The following SWT1 variants were observed in gnomAD, a reference collection of about 807,000 sequenced individuals.
SWT1 encodes the protein SWT1 RNA endoribonuclease homolog.
A neutral mutation model predicts 107.3 loss-of-function variants in SWT1; 33 were observed. That is an observed-to-expected ratio of 0.31 (90% CI 0.23 to 0.41). The LOEUF (loss-of-function observed/expected upper bound fraction) is 0.41, where lower values mean the gene tolerates loss of function less well. Among genes scored for constraint, SWT1 ranks in the 10% least tolerant of loss-of-function variants. SWT1 has a pLI of 1.00. For missense variants in SWT1, 898 were observed against 1,028.9 expected, an observed-to-expected ratio of 0.87 and a Z score of 1.74; for synonymous variants, 345 against 348.3, an observed-to-expected ratio of 0.99 and a Z score of 0.11.
intron 16 of SWT1, among the ~76,000 whole-genome samples, chr1:185,238,138 C>A (rs1233228580): frequency 6.6e-6 from 1 of 151,986 alleles, no homozygotes; most frequent in East Asian, 1.9e-4. Context: ...AGGTACATGC[C>A]ACCACAGTCA....
intron 13 of SWT1, among the ~76,000 whole-genome samples, chr1:185,208,945 T>C (rs1271988038): frequency 1.4e-4 from 22 of 152,072 alleles, no homozygotes; most frequent in Non-Finnish European, 3.2e-4. Flanking sequence ...AAGTCAGAGT[T>C]GGCATTAGTT....
chr1:185,181,609 T>C (rs1323234723), intron 6 of SWT1, among the ~76,000 whole-genome samples: 1 of 152,226 alleles, frequency 6.6e-6, no homozygotes, highest in Admixed American at 6.5e-5. Context: ...TATTTGGCTC[T>C]GTGCAAGGAG....
In SWT1 at chr1:185,291,067, C is replaced by CT; in HGVS notation, c.*265dup. The CT allele has an allele frequency of 4.8e-6, 1 of 209,678 alleles. No individual in the cohort carries two copies. The highest frequency in any genetic ancestry group is 1.3e-4 in the South Asian group (1 of 7,682). 13.0% of individuals were successfully genotyped at this position (209,678 alleles called of 1,614,324 possible). On this transcript the variant is annotated 3_prime_UTR_variant, in exon 19 of 19. Coordinates refer to ENST00000367500, the MANE Select transcript of SWT1 (RefSeq NM_017673.7). Reference sequence around the variant, plus strand: ...TATTCTTGATAGTGAGCCAGTATCTCTAAGGAAAGGAGAGCCGTATTTTTA... The same window carrying CT: ...TATTCTTGATAGTGAGCCAGTATCTCTTAAGGAAAGGAGAGCCGTATTTTTA...
At chr1:185,224,911 A>G (rs1447977886) in intron 15 of SWT1, among the ~76,000 whole-genome samples, 3 of 152,254 alleles carry the variant, frequency 2.0e-5, no homozygotes, top group African/African-American at 2.4e-5. Flanking sequence ...GTGAACAGGG[A>G]TAATTTGACT....
At chr1:185,166,041 T>A (rs1654541627) in intron 2 of SWT1, among the ~76,000 whole-genome samples, 1 of 152,210 alleles carries the variant, frequency 6.6e-6, no homozygotes, top group African/African-American at 2.4e-5. Context: ...TTCTCTGCTT[T>A]ATTTTTTTCC....
At chr1:185,185,167 G>A (rs1398309261) in intron 9 of SWT1, among the ~76,000 whole-genome samples, 2 of 152,140 alleles carry the variant, frequency 1.3e-5, no homozygotes, top group Non-Finnish European at 2.9e-5. Context: ...GTATAGTTGT[G>A]TATGCATAAT....
intron 2 of SWT1, among the ~76,000 whole-genome samples, chr1:185,164,384 C>G (rs572260479): frequency 1.3e-5 from 2 of 152,158 alleles, no homozygotes; most frequent in Non-Finnish European, 2.9e-5. Context: ...CTGCATTAGC[C>G]CCTAACCAGA....
chr1:185,234,594 C>A (rs1660730195), intron 16 of SWT1, among the ~76,000 whole-genome samples: 1 of 152,134 alleles, frequency 6.6e-6, no homozygotes, highest in Non-Finnish European at 1.5e-5. Context: ...TTAATTGGGT[C>A]ATTTAGCCCA....
chr1:185,214,770 A>G (rs1659087897), intron 14 of SWT1, 115 bp downstream of exon 14: 2 of 829,040 alleles, frequency 2.4e-6, no homozygotes, highest in Non-Finnish European at 3.6e-6. Context: ...CTAACATACT[A>G]AAGGCGTTAA....
intron 15 of SWT1, among the ~76,000 whole-genome samples, chr1:185,224,876 T>C (rs1316343082): frequency 1.3e-5 from 2 of 152,178 alleles, no homozygotes; most frequent in Admixed American, 1.3e-4. Flanking sequence ...CTTAAGAGTT[T>C]TCCATATATA....
intron 16 of SWT1, among the ~76,000 whole-genome samples, chr1:185,242,514 A>AAG (rs1558068343): frequency 7.2e-5 from 11 of 152,254 alleles, no homozygotes; most frequent in African/African-American, 2.6e-4. Context: ...GCTGATACTT[A>AAG]TATCAGCGGA....
intron 2 of SWT1, among the ~76,000 whole-genome samples, chr1:185,164,438 A>G (rs984717755): frequency 3.3e-5 from 5 of 152,232 alleles, no homozygotes; most frequent in African/African-American, 9.6e-5. Flanking sequence ...CTCTCTAGCT[A>G]TGAAAGTCCC....
intron 16 of SWT1, among the ~76,000 whole-genome samples, chr1:185,255,813 C>A (rs182202751): frequency 0.012 from 1,778 of 151,604 alleles, 38 homozygotes; most frequent in Middle Eastern, 0.038. Context: ...GTGAATTTGA[C>A]CCTGTCATTA....
At chr1:185,172,655 T>G (rs1034788845) in intron 4 of SWT1, among the ~76,000 whole-genome samples, 1 of 152,206 alleles carries the variant, frequency 6.6e-6, no homozygotes, top group Non-Finnish European at 1.5e-5. Context: ...GGGACTGTTA[T>G]GTTGTTTTAC....
intron 9 of SWT1, among the ~76,000 whole-genome samples, chr1:185,189,189 A>G (rs1368394155): frequency 6.6e-6 from 1 of 151,808 alleles, no homozygotes; most frequent in Non-Finnish European, 1.5e-5. Context: ...GAGTCTCGCC[A>G]TGTTGCCCAG....
rs1490672373 is a variant in SWT1, at chr1:185,181,966, T to C, written c.1047T>C (p.Leu349=). Residue 349 remains leucine, a synonymous_variant, in exon 7 of 19, where the codon CTT becomes CTC. Transcript: ENST00000367500. ...ADQEMQIVEE[L]HAARVGKSVD... is the part of the protein sequence containing the mutation. ...TTTAGATGCAGATAGTAGAAGAGCT[T>C]CATGCTGCACGTGTGGGAAAAAGTG... 6.2e-7 allele frequency: 1 copy of C among 1,613,892 alleles called. No homozygotes were observed. Among genetic ancestry groups the C allele is most frequent in the Admixed American group, 1.7e-5 (1 of 60,000 alleles).
intron 2 of SWT1, among the ~76,000 whole-genome samples, chr1:185,165,743 C>T (rs559929811): frequency 2.0e-5 from 3 of 152,360 alleles, no homozygotes; most frequent in African/African-American, 7.2e-5. Flanking sequence ...ACTCTCCTGA[C>T]ATAATTTGCT....
chr1:185,194,360 TC>T (rs1657210299), intron 10 of SWT1, among the ~76,000 whole-genome samples: 1 of 152,156 alleles, frequency 6.6e-6, no homozygotes, highest in Admixed American at 6.5e-5. Context: ...TTCCTTTTTC[TC>T]TTTTGGATTA....
chr1:185,235,427 T>C (rs1465176378), intron 16 of SWT1, among the ~76,000 whole-genome samples: 1 of 152,204 alleles, frequency 6.6e-6, no homozygotes, highest in Admixed American at 6.5e-5. Flanking sequence ...TCAATAAATG[T>C]AATCCAGCAT....
Sources: allele counts gnomAD v4.1 joint callset (sites outside exome capture counted in the v4.1 genomes callset), GRCh38; gene constraint gnomAD v4.1.1; transcripts MANE v1.5; gene names NCBI Gene and HGNC (gene_info 2026-07-23, HGNC 2026-07-21).